ZFHX3: variants seen among roughly 807,000 people sequenced by gnomAD.
ZFHX3 encodes the protein zinc finger homeobox protein 3.
ZFHX3 carries 42 observed loss-of-function variants against 279.1 expected under a neutral mutation model. The observed-to-expected ratio is 0.15, with a 90% CI of 0.12 to 0.19. The LOEUF (loss-of-function observed/expected upper bound fraction) is 0.19, where lower values mean the gene tolerates loss of function less well. ZFHX3 is among the 10% of genes least tolerant of loss of function. ZFHX3 has a pLI of 1.00. For missense variants in ZFHX3, 4,981 were observed against 4,754.0 expected (o/e 1.05, Z -1.40); for synonymous variants, 2,293 against 1,957.8 (o/e 1.17, Z -4.52).
chr16:73,812,301 G>C (rs1012173112), intron 1 of ZFHX3, among the ~76,000 whole-genome samples: 2 of 152,170 alleles, frequency 1.3e-5, no homozygotes, highest in Non-Finnish European at 2.9e-5. Context: ...CTTCCGCTTT[G>C]GGTGTTCTCT....
chr16:73,700,741 G>A (rs370016646), intron 1 of ZFHX3, among the ~76,000 whole-genome samples: 1 of 152,122 alleles, frequency 6.6e-6, no homozygotes, highest in Admixed American at 6.5e-5. Context: ...AGCAATCAAG[G>A]TTCTAGGGAA....
intron 8 of ZFHX3, among the ~76,000 whole-genome samples, chr16:73,069,577 GGTTTT>G (rs142036482): frequency 0.011 from 1,612 of 152,188 alleles, 33 homozygotes; most frequent in African/African-American, 0.037. Flanking sequence ...AATGAAAGGT[GGTTTT>G]GTTTTATTTT....
intron 2 of ZFHX3, among the ~76,000 whole-genome samples, chr16:73,599,537 G>A (rs1308226599): frequency 1.3e-5 from 2 of 152,256 alleles, no homozygotes; most frequent in South Asian, 2.1e-4. Context: ...TATGAAGCTC[G>A]ACCTGTCTCC....
intron 1 of ZFHX3, among the ~76,000 whole-genome samples, chr16:72,982,210 T>G (rs933378610): frequency 6.6e-6 from 1 of 152,144 alleles, no homozygotes; most frequent in African/African-American, 2.4e-5. Context: ...ACACTCTCAT[T>G]TGACCTCTAA....
intron 3 of ZFHX3, among the ~76,000 whole-genome samples, chr16:72,894,282 C>T (rs1397158489): frequency 6.6e-6 from 1 of 152,152 alleles, no homozygotes; most frequent in Non-Finnish European, 1.5e-5. Flanking sequence ...GTCCTGCTCT[C>T]CCCAGATTTT....
intron 3 of ZFHX3, among the ~76,000 whole-genome samples, chr16:73,415,929 G>A (rs919512142): frequency 1.3e-5 from 2 of 151,970 alleles, no homozygotes; most frequent in Admixed American, 6.6e-5. Flanking sequence ...AGACTAGCCT[G>A]GCCAACATGG....
chr16:73,787,426 A>G (rs773564015), intron 1 of ZFHX3, among the ~76,000 whole-genome samples: 1 of 152,204 alleles, frequency 6.6e-6, no homozygotes, highest in African/African-American at 2.4e-5. Context: ...ATGACTGAAG[A>G]AAACTGATGG....
rs1425158114 is a variant in ZFHX3, at chr16:73,006,062, C to T, written c.-50+41690G>A. The T allele has an allele frequency of 3.3e-5, 5 of 152,210 alleles. No homozygotes were observed. The East Asian group carries it at 9.6e-4, about 29-fold the overall frequency. The allele number at this position is 152,210 out of a possible 1,614,324, so 9.4% of individuals were successfully genotyped here. On this transcript the variant is annotated intron_variant, in intron 1 of 9. Transcript: ENST00000268489. The stretch of plus-strand genomic sequence containing the variant: ...TGGGCCACTAGGAAGACAGTAACAT[C>T]TGGAAATAATTTTCTTTGTTTCTTT...
At chr16:72,999,998 GCA>G (rs1597073998) in intron 1 of ZFHX3, among the ~76,000 whole-genome samples, 1 of 152,210 alleles carries the variant, frequency 6.6e-6, no homozygotes, top group East Asian at 1.9e-4. Context: ...GAGAAGGTGT[GCA>G]CAGAGTTTTG....
At chr16:73,166,189 C>T (rs1967361151) in intron 5 of ZFHX3, among the ~76,000 whole-genome samples, 1 of 152,116 alleles carries the variant, frequency 6.6e-6, no homozygotes, top group Non-Finnish European at 1.5e-5. Context: ...TCAGCTTGAG[C>T]CACCTATTAT....
intron 5 of ZFHX3, among the ~76,000 whole-genome samples, chr16:73,168,267 C>CTTTCTT (rs1432802165): frequency 3.4e-5 from 5 of 148,508 alleles, no homozygotes; most frequent in African/African-American, 1.0e-4. Context: ...TTCTTTCTTT[C>CTTTCTT]TTTCTTTCTT....
At chr16:73,325,818 G>A in intron 3 of ZFHX3, among the ~76,000 whole-genome samples, 1 of 151,902 alleles carries the variant, frequency 6.6e-6, no homozygotes, top group Admixed American at 6.6e-5. Flanking sequence ...AAGGCAGAAG[G>A]GCATGCCAAT....
chr16:73,582,506 C>T (rs1380934984), intron 2 of ZFHX3, among the ~76,000 whole-genome samples: 1 of 151,920 alleles, frequency 6.6e-6, no homozygotes, highest in Non-Finnish European at 1.5e-5. Flanking sequence ...TGGAGTTTCA[C>T]TCTTGTCACC....
At chr16:73,554,564 G>A (rs551097225) in intron 2 of ZFHX3, 1 of 152,142 alleles carries the variant, frequency 6.6e-6, no homozygotes, top group Non-Finnish European at 1.5e-5. Flanking sequence ...TTTTCAGGGT[G>A]GCATAGAATA....
chr16:73,294,569 G>A (rs985149554), intron 4 of ZFHX3, among the ~76,000 whole-genome samples: 3 of 151,706 alleles, frequency 2.0e-5, no homozygotes, highest in Non-Finnish European at 4.4e-5. Context: ...CCATTACTTC[G>A]GGAGGCCGAG....
chr16:73,519,635 T>G (rs2019579240), intron 2 of ZFHX3, among the ~76,000 whole-genome samples: 2 of 152,200 alleles, frequency 1.3e-5, no homozygotes, highest in African/African-American at 4.8e-5. Context: ...ACCTGTCTTG[T>G]CTTTTTATTC....
intron 5 of ZFHX3, chr16:73,144,380 C>T (rs534371709): frequency 6.6e-6 from 1 of 152,458 alleles, no homozygotes; most frequent in East Asian, 1.9e-4. Context: ...CTGAACCTAT[C>T]CATCAAGTCT....
intron 3 of ZFHX3, among the ~76,000 whole-genome samples, chr16:73,389,768 T>C (rs1328317540): frequency 6.6e-6 from 1 of 152,230 alleles, no homozygotes; most frequent in Non-Finnish European, 1.5e-5. Flanking sequence ...ACGATCCTTT[T>C]TGAAAAATCG....
At chr16:72,913,079 G>C (rs912670286) in intron 3 of ZFHX3, among the ~76,000 whole-genome samples, 3 of 152,176 alleles carry the variant, frequency 2.0e-5, no homozygotes, top group South Asian at 2.1e-4. Context: ...TGAAATTTTT[G>C]TGTCTGAAAT....
Sources: allele counts gnomAD v4.1 joint callset (sites outside exome capture counted in the v4.1 genomes callset), GRCh38; gene constraint gnomAD v4.1.1; transcripts MANE v1.5; gene names NCBI Gene and HGNC (gene_info 2026-07-23, HGNC 2026-07-21).